Variants in CCDC57 observed in about 807,000 individuals in gnomAD.
The protein encoded by CCDC57 is coiled-coil domain-containing protein 57.
CCDC57 carries 118 observed loss-of-function variants against 118.9 expected under a neutral mutation model. The observed-to-expected ratio is 0.99, with a 90% confidence interval of 0.86 to 1.16. The LOEUF (loss-of-function observed/expected upper bound fraction) is 1.16. Among genes scored for constraint, CCDC57 ranks in the 50% most tolerant of loss-of-function variants. The probability of loss-of-function intolerance (pLI) is 0.00; values close to 1 mark genes in which losing one functional copy is unlikely to be tolerated. For missense variants in CCDC57, 1,300 were observed against 1,320.7 expected, an observed-to-expected ratio of 0.98 and a Z score of 0.24; for synonymous variants, 527 against 532.9, an observed-to-expected ratio of 0.99 and a Z score of 0.15.
chr17:82,120,976 C>T (rs973592480), intron 19 of CCDC57, among the ~76,000 whole-genome samples: 1 of 152,196 alleles, frequency 6.6e-6, no homozygotes. Context: ...AGGATGGTCT[C>T]GATCTCCTGA....
At chr17:82,107,874 G>T (rs1393841069) in intron 19 of CCDC57, among the ~76,000 whole-genome samples, 2 of 152,194 alleles carry the variant, frequency 1.3e-5, no homozygotes, top group African/African-American at 4.8e-5. Flanking sequence ...GATGCCTACA[G>T]AACAGGCTTT....
At chr17:82,126,771 T>TA (rs1406015629) in intron 19 of CCDC57, 2 of 985,298 alleles carry the variant, frequency 2.0e-6, no homozygotes, top group Admixed American at 6.2e-5. Context: ...CTGCAGCCTG[T>TA]AAGGTTACTA....
chr17:82,179,185 T>C lies in CCDC57; in HGVS notation c.1216A>G (p.Lys406Glu), dbSNP rs749195722. ...TCCACTGCCAGGGACAGCTGTTGCT[T>C]GTACCTAAGGACACGTCCAACCGCT... Residue 406 changes from lysine (K) to glutamate (E), a missense_variant, in exon 10 of 20, where the codon AAG (lysine) becomes GAG (glutamate). Transcript: ENST00000665763. The C allele has an allele frequency of 5.6e-6, 9 of 1,613,398 alleles. No homozygotes were observed. The Admixed American group carries it at 1.5e-4, about 27-fold the overall frequency.
At chr17:82,184,025 G>GCTCACACA in intron 8 of CCDC57, 93 bp from the exon 8 acceptor site, 3 of 387,904 alleles carry the variant, frequency 7.7e-6, no homozygotes, top group East Asian at 5.0e-5. Flanking sequence ...ATGCGCGCGC[G>GCTCACACA]CGCGCGCACA....
At chr17:82,134,639 CA>C (rs2038898173) in intron 16 of CCDC57, among the ~76,000 whole-genome samples, 1 of 152,002 alleles carries the variant, frequency 6.6e-6, no homozygotes, top group South Asian at 2.1e-4. Flanking sequence ...ACTAAAAATA[CA>C]AAAATTAGCT....
At chr17:82,161,158 C>T (rs1360709122) in intron 14 of CCDC57, among the ~76,000 whole-genome samples, 1 of 152,148 alleles carries the variant, frequency 6.6e-6, no homozygotes, top group East Asian at 1.9e-4. Context: ...CAGCGAGGCC[C>T]CACTTCACTC....
At chr17:82,187,427 A>G (rs115006561) in intron 8 of CCDC57, among the ~76,000 whole-genome samples, 2,207 of 142,072 alleles carry the variant, frequency 0.016, 63 homozygotes, top group African/African-American at 0.056. Flanking sequence ...GTGAAATAAG[A>G]GAGTCCCAAA....
At chr17:82,205,561 G>A (rs534301257) in intron 2 of CCDC57, among the ~76,000 whole-genome samples, 5 of 152,308 alleles carry the variant, frequency 3.3e-5, no homozygotes, top group East Asian at 1.9e-4. Flanking sequence ...TCCTGTGCAC[G>A]TGCTACTCCA....
intron 17 of CCDC57, among the ~76,000 whole-genome samples, chr17:82,129,962 C>T (rs890971517): frequency 6.6e-6 from 1 of 151,866 alleles, no homozygotes; most frequent in Non-Finnish European, 1.5e-5. Flanking sequence ...TTTGGGAGGC[C>T]GAGGTGGAAG....
At chr17:82,115,790 ACCT>A (rs2035812184) in intron 19 of CCDC57, among the ~76,000 whole-genome samples, 1 of 121,230 alleles carries the variant, frequency 8.2e-6, no homozygotes, top group Non-Finnish European at 1.7e-5. Flanking sequence ...AATTTATGCA[ACCT>A]TTTTTTTTTT....
chr17:82,129,827 G>C (rs2038056601), intron 17 of CCDC57, among the ~76,000 whole-genome samples: 1 of 152,082 alleles, frequency 6.6e-6, no homozygotes, highest in African/African-American at 2.4e-5. Flanking sequence ...AGAGTTCTAG[G>C]TTCCAGTGAG....
intron 3 of CCDC57, among the ~76,000 whole-genome samples, chr17:82,200,406 G>A (rs191995495): frequency 1.1e-3 from 166 of 152,274 alleles, no homozygotes; most frequent in South Asian, 3.1e-3. Flanking sequence ...CTTTCACTTC[G>A]CCATTCCACC....
At chr17:82,153,160 G>A (rs1353545604) in intron 15 of CCDC57, among the ~76,000 whole-genome samples, 1 of 152,142 alleles carries the variant, frequency 6.6e-6, no homozygotes, top group African/African-American at 2.4e-5. Flanking sequence ...TCTTGGGTGT[G>A]GGAGAGGCCA....
intron 19 of CCDC57, among the ~76,000 whole-genome samples, chr17:82,119,902 C>T (rs544266791): frequency 9.9e-5 from 15 of 152,216 alleles, no homozygotes; most frequent in Non-Finnish European, 1.3e-4. Context: ...ATGGGGGAGC[C>T]CCGACTCCAG....
chr17:82,151,195 A>T (rs1192836328), intron 16 of CCDC57, among the ~76,000 whole-genome samples: 15,456 of 53,464 alleles, frequency 0.29, 4,403 homozygotes, highest in East Asian at 0.75. Context: ...ACCCAGAACC[A>T]GGCGCACATC....
intron 16 of CCDC57, among the ~76,000 whole-genome samples, chr17:82,148,392 A>G (rs1385214273): frequency 0.054 from 38 of 702 alleles, no homozygotes; most frequent in Non-Finnish European, 0.066. Flanking sequence ...TGAATGGATG[A>G]ATGGGTGGGT....
exon 6 of CCDC57, chr17:82,194,017 C>T (rs2048000400): frequency 6.2e-7 from 1 of 1,612,662 alleles, no homozygotes; most frequent in Non-Finnish European, 8.5e-7. Flanking sequence ...CCTGGAGCTC[C>T]CCGGCTCGGC....
chr17:82,196,850 TCG>T (rs1568458464), intron 4 of CCDC57, among the ~76,000 whole-genome samples: 1 of 146,642 alleles, frequency 6.8e-6, no homozygotes, highest in Non-Finnish European at 1.5e-5. Context: ...ACGCAGCCCC[TCG>T]TGACTCCTGC....
chr17:82,146,794 GTC>G (rs1174515773), intron 16 of CCDC57, among the ~76,000 whole-genome samples: 3 of 152,106 alleles, frequency 2.0e-5, no homozygotes, highest in East Asian at 1.9e-4. Flanking sequence ...TATGTGCACA[GTC>G]TCACACACAA....
Sources: allele counts gnomAD v4.1 joint callset (sites outside exome capture counted in the v4.1 genomes callset), GRCh38; gene constraint gnomAD v4.1.1; transcripts MANE v1.5; gene names NCBI Gene and HGNC (gene_info 2026-07-23, HGNC 2026-07-21).